The following XYLB variants were observed in gnomAD, a reference collection of about 807,000 sequenced individuals.
The protein encoded by XYLB is xylulokinase.
In XYLB, 62 loss-of-function variants were observed where a neutral mutation model predicts 78.7. The observed-to-expected ratio is 0.79, with a 90% CI of 0.64 to 0.97. The LOEUF (loss-of-function observed/expected upper bound fraction) is 0.97. Among genes scored for constraint, XYLB ranks in the 50% least tolerant of loss-of-function variants. The probability of loss-of-function intolerance (pLI) is 0.00; values close to 1 mark genes in which losing one functional copy is unlikely to be tolerated. For synonymous variants in XYLB, 245 were observed against 247.4 expected (o/e 0.99, Z 0.09); for missense variants, 687 against 676.8 (o/e 1.02, Z -0.17).
chr3:38,351,018 T>C (rs1231679773), intron 2 of XYLB, among the ~76,000 whole-genome samples: 1 of 151,286 alleles, frequency 6.6e-6, no homozygotes, highest in Non-Finnish European at 1.5e-5. Flanking sequence ...GTGGCAGGCA[T>C]GGTGACAGGC....
intron 15 of XYLB, among the ~76,000 whole-genome samples, chr3:38,384,056 CTTTGTTTTGT>C (rs1181545501): frequency 6.6e-6 from 1 of 151,776 alleles, no homozygotes; most frequent in Non-Finnish European, 1.5e-5. Context: ...TGTTTGTTTT[CTTTGTTTTGT>C]TTTGTTTTGT....
chr3:38,396,089 G>A (rs937015267), intron 16 of XYLB, among the ~76,000 whole-genome samples: 1 of 152,220 alleles, frequency 6.6e-6, no homozygotes, highest in Non-Finnish European at 1.5e-5. Context: ...ATTTTTGGGT[G>A]TAGCCTGGGG....
intron 2 of XYLB, among the ~76,000 whole-genome samples, chr3:38,354,778 A>T (rs376256708): frequency 1.8e-4 from 28 of 152,334 alleles, no homozygotes; most frequent in East Asian, 7.7e-4. Context: ...TGCTGGGATT[A>T]CAGGCGTGAG....
At chr3:38,384,366 A>G (rs1414340115) in intron 15 of XYLB, among the ~76,000 whole-genome samples, 1 of 152,124 alleles carries the variant, frequency 6.6e-6, no homozygotes, top group Non-Finnish European at 1.5e-5. Flanking sequence ...GTGCCTGGCC[A>G]TTGTTCTTGG....
intron 17 of XYLB, among the ~76,000 whole-genome samples, chr3:38,400,285 A>G (rs1163590182): frequency 2.0e-5 from 3 of 152,154 alleles, no homozygotes; most frequent in Non-Finnish European, 2.9e-5. Context: ...ACAGCTCAGC[A>G]AAAGAGGGAT....
intron 15 of XYLB, among the ~76,000 whole-genome samples, chr3:38,386,928 T>C (rs1195061732): frequency 6.6e-6 from 1 of 152,368 alleles, no homozygotes; most frequent in East Asian, 1.9e-4. Context: ...CTTTTTACTT[T>C]CAGCACTCTG....
In XYLB at chr3:38,395,659, C is replaced by G; in HGVS notation, c.1350+96C>G. Reference sequence around the variant, plus strand: ...ATAGGAAGGACAGCCTCCATTCCCACTCCTGCAGGAATGGGGAGCTCTTAG... The same window carrying G: ...ATAGGAAGGACAGCCTCCATTCCCAGTCCTGCAGGAATGGGGAGCTCTTAG... On this transcript the variant is annotated intron_variant, in intron 16 of 18. Coordinates refer to ENST00000207870, the MANE Select transcript of XYLB (RefSeq NM_005108.4). 2.3e-6 allele frequency: 3 copies of G among 1,308,548 alleles called. No individual in the cohort carries two copies. In the South Asian group the frequency reaches 3.6e-5, roughly 16 times the overall value. 81.1% of individuals were successfully genotyped at this position (1,308,548 alleles called of 1,614,324 possible).
In XYLB at chr3:38,375,192, A is replaced by G; in HGVS notation, c.937A>G (p.Met313Val). The change falls in exon 12 of 19, where the codon ATG becomes GTG. Residue 313 changes from methionine (M) to valine (V), a missense_variant. Transcript: ENST00000207870. ...CCTGTTTCTCTGGCTCCAAGAGCCCATGCCTGCCCTGGAAGGCCACATCTT... is the reference window on the plus strand; with the variant it reads ...CCTGTTTCTCTGGCTCCAAGAGCCCGTGCCTGCCCTGGAAGGCCACATCTT... ...DTLFLWLQEP[M>V]PALEGHIFCN... is the part of the protein sequence containing the mutation. 6.2e-7 allele frequency: 1 copy of G among 1,614,184 alleles called. No individual in the cohort carries two copies. The highest frequency in any genetic ancestry group is 8.5e-7 in the Non-Finnish European group (1 of 1,180,022).
Position 38,374,498 on chromosome 3 carries a change from T to G in XYLB, c.884T>G (p.Ile295Ser), listed in dbSNP as rs1228563572. The G allele has an allele frequency of 1.9e-6, 3 of 1,613,302 alleles. No homozygotes were observed. In the Admixed American group the frequency reaches 5.0e-5, roughly 27 times the overall value. ...GGCATGAGACTGGAGGAAGGTGACA[T>G]TGCGGTAAGGCGACTTCCCACACCC... ...LAGMRLEEGD[I>S]AVSLGTSDTL... The change falls in exon 11 of 19, where the codon ATT (isoleucine) becomes AGT (serine). Residue 295 changes from isoleucine (I) to serine (S), a missense_variant. By Grantham distance (142) the Ile-to-Ser change is moderately radical. Coordinates refer to ENST00000207870, the MANE Select transcript of XYLB (RefSeq NM_005108.4).
downstream of XYLB, among the ~76,000 whole-genome samples, chr3:38,415,319 ACTT>A (rs1351425250): frequency 3.9e-5 from 6 of 152,212 alleles, no homozygotes. Flanking sequence ...TATACTCACA[ACTT>A]CTTCCTTAGA....
chr3:38,416,008 A>ACTT (rs139773607), downstream of XYLB, among the ~76,000 whole-genome samples: 1 of 152,168 alleles, frequency 6.6e-6, no homozygotes, highest in East Asian at 1.9e-4. Flanking sequence ...TCTCGTGAGA[A>ACTT]CTCTCTATCA....
chr3:38,378,425 G>A (rs1005758278), intron 14 of XYLB, among the ~76,000 whole-genome samples: 10 of 152,188 alleles, frequency 6.6e-5, no homozygotes, highest in Non-Finnish European at 1.3e-4. Context: ...GAATGAGCAT[G>A]TACATGAATG....
At chr3:38,447,468 TA>T in the XYLB span, among the ~76,000 whole-genome samples, 2 of 114,264 alleles carry the variant, frequency 1.8e-5, no homozygotes, top group African/African-American at 6.1e-5. Flanking sequence ...CACATCTGGC[TA>T]ATTTTTTTTT....
At chr3:38,398,762 C>T (rs1330700422) in intron 17 of XYLB, among the ~76,000 whole-genome samples, 9 of 149,330 alleles carry the variant, frequency 6.0e-5, no homozygotes, top group South Asian at 4.2e-4. Context: ...CAGTAGCTCA[C>T]GCCTGTAATC....
chr3:38,452,829 G>C, the XYLB span: 1 of 152,176 alleles, frequency 6.6e-6, no homozygotes, highest in African/African-American at 2.4e-5. Flanking sequence ...TTTGCATATG[G>C]GAAAACTGAG....
At chr3:38,368,341 C>T (rs772176312) in intron 8 of XYLB, 84 bp downstream of exon 8, 93 of 1,207,824 alleles carry the variant, frequency 7.7e-5, no homozygotes, top group East Asian at 6.1e-4. Context: ...CCACCTACCC[C>T]GAGTGGGTGC....
chr3:38,365,238 G>A lies in XYLB; in HGVS notation c.331G>A (p.Ala111Thr), dbSNP rs370702086. The A allele has an allele frequency of 6.2e-7, 1 of 1,614,236 alleles. No individual in the cohort carries two copies. The highest frequency in any genetic ancestry group is 8.5e-7 in the Non-Finnish European group (1 of 1,180,044). Residue 111 changes from alanine to threonine, a missense_variant, in exon 5 of 19, where the codon GCA becomes ACA. By Grantham distance (58) the Ala-to-Thr change is moderately conservative. Transcript: ENST00000207870. ...SIYWKAGAQQ[A>T]LTSLSPDLRL... ...ATACTGGAAGGCTGGAGCCCAGCAG[G>A]CACTGACAAGCTTATCACCAGACCT...
At chr3:38,365,923 G>C (rs1706234644) in intron 6 of XYLB, among the ~76,000 whole-genome samples, 187 bp downstream of exon 6, 2 of 152,142 alleles carry the variant, frequency 1.3e-5, no homozygotes, top group Non-Finnish European at 2.9e-5. Context: ...GCCAGGCTGG[G>C]TGTGCACATG....
chr3:38,379,401 C>T, intron 15 of XYLB, 59 bp downstream of exon 15: 1 of 1,545,552 alleles, frequency 6.5e-7, no homozygotes, highest in Non-Finnish European at 8.9e-7. Flanking sequence ...AGCTCACTCG[C>T]AGGGGCCAGG....
Sources: allele counts gnomAD v4.1 joint callset (sites outside exome capture counted in the v4.1 genomes callset), GRCh38; gene constraint gnomAD v4.1.1; transcripts MANE v1.5; gene names NCBI Gene and HGNC (gene_info 2026-07-23, HGNC 2026-07-21).